Variants in FOSL2 observed in about 807,000 individuals in gnomAD.
FOSL2 encodes the protein fos-related antigen 2.
Under a neutral mutation model 27.7 loss-of-function variants are expected in FOSL2, and 3 were observed. The ratio of observed to expected loss-of-function variants is 0.11; its 90% confidence interval spans 0.05 to 0.28. The LOEUF is 0.28. FOSL2 is among the 10% of genes least tolerant of loss of function. The pLI is 1.00. For synonymous variants in FOSL2, 179 were observed against 190.1 expected (o/e 0.94, Z 0.48); for missense variants, 333 against 445.1 (o/e 0.75, Z 2.27).
At chr2:28,394,262 C>T (rs2148074743) in intron 1 of FOSL2, among the ~76,000 whole-genome samples, 1 of 152,082 alleles carries the variant, frequency 6.6e-6, no homozygotes, top group South Asian at 2.1e-4. Flanking sequence ...CCCTCTCTCT[C>T]TCCTCCCCGT....
intron 1 of FOSL2, chr2:28,396,811 C>A (rs183129590): frequency 1.9e-4 from 29 of 150,916 alleles, no homozygotes; most frequent in Non-Finnish European, 2.9e-4. Context: ...CACACACACA[C>A]ACACACACAC....
chr2:28,406,829 G>GGGA (rs1026102833), intron 2 of FOSL2, among the ~76,000 whole-genome samples: 2 of 152,202 alleles, frequency 1.3e-5, no homozygotes, highest in Non-Finnish European at 2.9e-5. Context: ...CTCCCTGCTA[G>GGGA]GGAGGAGCCT....
rs1173207830 is a variant in FOSL2, at chr2:28,416,204, A to G, written c.*3756A>G. 3 of 152,226 alleles carry G rather than the reference A, an allele frequency of 2.0e-5. No individual in the cohort carries two copies. Among genetic ancestry groups the G allele is most frequent in the African/African-American group, 7.2e-5 (3 of 41,542 alleles). 9.4% of individuals were successfully genotyped at this position (152,226 alleles called of 1,614,324 possible). On this transcript the variant is annotated 3_prime_UTR_variant, in exon 4 of 4. Coordinates refer to ENST00000264716, the MANE Select transcript of FOSL2 (RefSeq NM_005253.4). ...TTTTAAAAGGAAACCCAGTCATCCCACTATGAATCTGGCATCTTCTTATGC... is the reference window on the plus strand; with the variant it reads ...TTTTAAAAGGAAACCCAGTCATCCCGCTATGAATCTGGCATCTTCTTATGC...
At chr2:28,398,372 G>A (rs1285720734) in intron 1 of FOSL2, among the ~76,000 whole-genome samples, 1 of 152,244 alleles carries the variant, frequency 6.6e-6, no homozygotes, top group South Asian at 2.1e-4. Context: ...GCCCTGTCCC[G>A]TGGCAGTGAG....
intron 1 of FOSL2, among the ~76,000 whole-genome samples, chr2:28,402,337 C>T (rs1213529169): frequency 6.6e-6 from 1 of 152,268 alleles, no homozygotes; most frequent in Non-Finnish European, 1.5e-5. Context: ...TTGGCCTGGG[C>T]CCCCGAGGTG....
chr2:28,393,634 A>G lies in FOSL2; in HGVS notation c.-87A>G. ...GAGCCCGCGGCGCGGCCGGCGGACGAACGAGCGCGCAGCAGCCGGTGCGCG... is the reference window on the plus strand; with the variant it reads ...GAGCCCGCGGCGCGGCCGGCGGACGGACGAGCGCGCAGCAGCCGGTGCGCG... On this transcript the variant is annotated 5_prime_UTR_variant, in exon 1 of 4. Transcript: ENST00000264716. This position sits in a 1 kb window ranked among gnomAD's most constrained non-coding sequence, Gnocchi z 4.6. 2 of 1,013,526 alleles carry G rather than the reference A, an allele frequency of 2.0e-6. No individual in the cohort carries two copies. The highest frequency in any genetic ancestry group is 1.5e-6 in the Non-Finnish European group (1 of 681,950). The allele number at this position is 1,013,526 out of a possible 1,614,324, so 62.8% of individuals were successfully genotyped here.
intron 1 of FOSL2, among the ~76,000 whole-genome samples, chr2:28,399,921 A>G (rs1663936577): frequency 6.6e-6 from 1 of 152,164 alleles, no homozygotes; most frequent in Non-Finnish European, 1.5e-5. Context: ...ATAGCCCACC[A>G]AGCCTAAAAT....
Position 28,393,847 on chromosome 2 carries a change from G to T in FOSL2, c.102+25G>T. The T allele has an allele frequency of 6.7e-7, 1 of 1,494,680 alleles. No individual in the cohort carries two copies. The highest frequency in any genetic ancestry group is 1.2e-5 in the South Asian group (1 of 84,350). The allele number at this position is 1,494,680 out of a possible 1,614,324, so 92.6% of individuals were successfully genotyped here. Reference sequence around the variant, plus strand: ...GGTAGGTGCGGGCCCCGGTGCACCTGGCGGCGCGGGCGGACCCCTGCCCTC... The same window carrying T: ...GGTAGGTGCGGGCCCCGGTGCACCTTGCGGCGCGGGCGGACCCCTGCCCTC... On this transcript the variant is annotated intron_variant, in intron 1 of 3. Transcript: ENST00000264716. The surrounding 1 kb of genome is among the most constrained non-coding windows in gnomAD (Gnocchi z 4.6).
At position 28,393,180 on chromosome 2, in the gene FOSL2, C is replaced by T; in HGVS notation, c.-541C>T. On this transcript the variant is annotated 5_prime_UTR_variant, in exon 1 of 4. Transcript: ENST00000264716. The surrounding 1 kb of genome is among the most constrained non-coding windows in gnomAD (Gnocchi z 4.6). ...CAAGTATCCGAGCCGCCCCGAAACT[C>T]GGGCGGCGAGTCGGCCACGGGAAGT... 1 of 253,496 alleles carries T rather than the reference C, an allele frequency of 3.9e-6. No homozygotes were observed. The highest frequency in any genetic ancestry group is 7.4e-6 in the Non-Finnish European group (1 of 135,056). The allele number at this position is 253,496 out of a possible 1,614,324, so 15.7% of individuals were successfully genotyped here.
In FOSL2 at chr2:28,411,951, G is replaced by A; in HGVS notation, c.484G>A (p.Glu162Lys). Residue 162 changes from glutamate (E) to lysine (K), a missense_variant, in exon 4 of 4, where the codon GAG becomes AAG. Physicochemically the swap from Glu to Lys is moderately conservative, Grantham distance 56. Transcript: ENST00000264716. ...GCAGGAGACAGAGGAGCTGGAGGAG[G>A]AGAAGTCAGGCCTGCAGAAGGAGAT... is the stretch of plus-strand genomic sequence containing the variant. ...LQAETEELEE[E>K]KSGLQKEIAE... 6.2e-7 allele frequency: 1 copy of A among 1,614,218 alleles called. No individual in the cohort carries two copies. Among genetic ancestry groups the A allele is most frequent in the Non-Finnish European group, 8.5e-7 (1 of 1,180,026 alleles).
intron 1 of FOSL2, among the ~76,000 whole-genome samples, chr2:28,398,654 G>A (rs769332992): frequency 6.6e-5 from 10 of 152,232 alleles, no homozygotes; most frequent in Non-Finnish European, 1.5e-4. Flanking sequence ...GGTGGAGGAG[G>A]ATAGAGTAAG....
intron 1 of FOSL2, among the ~76,000 whole-genome samples, chr2:28,399,689 C>G (rs1663932517): frequency 6.6e-6 from 1 of 152,204 alleles, no homozygotes; most frequent in African/African-American, 2.4e-5. Context: ...GTTGGAGGAA[C>G]ATCTCAGTTC....
intron 1 of FOSL2, among the ~76,000 whole-genome samples, chr2:28,400,431 CGTTTCTG>C (rs1415673024): frequency 3.9e-4 from 16 of 40,956 alleles, no homozygotes; most frequent in African/African-American, 1.4e-3. Flanking sequence ...CTGAATAACA[CGTTTCTG>C]AATAACACGT....
At chr2:28,405,290 C>T (rs193085414) in intron 2 of FOSL2, among the ~76,000 whole-genome samples, 54 of 152,318 alleles carry the variant, frequency 3.5e-4, no homozygotes, top group Admixed American at 3.2e-3. Flanking sequence ...TGTGGCCACT[C>T]GGCCAGTGAG....
chr2:28,412,353 C>T lies in FOSL2; in HGVS notation c.886C>T (p.Pro296Ser), dbSNP rs1211368629. The T allele has an allele frequency of 6.2e-7, 1 of 1,612,590 alleles. No homozygotes were observed. The highest frequency in any genetic ancestry group is 8.5e-7 in the Non-Finnish European group (1 of 1,180,010). ...SVLEQESPASPSESCSKAHRR... is the reference protein window; with the variant it reads ...SVLEQESPASSSESCSKAHRR... ...CCTGGAGCAGGAGTCACCCGCATCT[C>T]CCTCCGAATCCTGCTCCAAGGCTCA... The change falls in exon 4 of 4, where the codon CCC becomes TCC. Residue 296 changes from proline to serine, a missense_variant. Pro to Ser is a moderately conservative substitution (Grantham distance 74). Coordinates refer to ENST00000264716, the MANE Select transcript of FOSL2 (RefSeq NM_005253.4). The surrounding 1 kb of genome is among the most constrained non-coding windows in gnomAD (Gnocchi z 7.1).
rs956904609 is a variant in FOSL2 at position 28,393,502 on chromosome 2, C to A, written c.-219C>A. 13 of 514,392 alleles carry A rather than the reference C, an allele frequency of 2.5e-5. No individual in the cohort carries two copies. Among genetic ancestry groups the A allele is most frequent in the Non-Finnish European group, 4.5e-5 (13 of 289,010 alleles). The allele number at this position is 514,392 out of a possible 1,614,324, so 31.9% of individuals were successfully genotyped here. ...ACTGGTCCCGCGGCGCTCGCAGAGCCGGAAAGAAGTGCTGTAAGGGACGCT... is the reference window on the plus strand; with the variant it reads ...ACTGGTCCCGCGGCGCTCGCAGAGCAGGAAAGAAGTGCTGTAAGGGACGCT... On this transcript the variant is annotated 5_prime_UTR_variant, in exon 1 of 4. Coordinates refer to ENST00000264716, the MANE Select transcript of FOSL2 (RefSeq NM_005253.4). This position sits in a 1 kb window ranked among gnomAD's most constrained non-coding sequence, Gnocchi z 4.6.
At chr2:28,400,004 CCTTTTATAGGCA>C (rs1213816501) in intron 1 of FOSL2, among the ~76,000 whole-genome samples, 4 of 152,266 alleles carry the variant, frequency 2.6e-5, no homozygotes, top group Admixed American at 2.6e-4. Flanking sequence ...ACCACTATAT[CCTTTTATAGGCA>C]TTCTTGCCCA....
intron 1 of FOSL2, among the ~76,000 whole-genome samples, chr2:28,397,790 G>T: frequency 6.6e-6 from 1 of 152,194 alleles, no homozygotes; most frequent in East Asian, 1.9e-4. Context: ...GACTCAGAAA[G>T]GTTTTGCAGT....
rs1664211185 is a variant in FOSL2, at chr2:28,412,036, T to C, written c.569T>C (p.Val190Ala). 1 of 1,611,118 alleles carries C rather than the reference T, an allele frequency of 6.2e-7. No individual in the cohort carries two copies. Residue 190 changes from valine (V) to alanine (A), a missense_variant, in exon 4 of 4, where the codon GTG becomes GCG. Val to Ala is a moderately conservative substitution (Grantham distance 64, BLOSUM62 0). Transcript: ENST00000264716. This position sits in a 1 kb window ranked among gnomAD's most constrained non-coding sequence, Gnocchi z 7.1. ...TTCATGTTGGTGGCTCACGGCCCAGTGTGCAAGATTAGCCCCGAGGAGCGC... is the reference window on the plus strand; with the variant it reads ...TTCATGTTGGTGGCTCACGGCCCAGCGTGCAAGATTAGCCCCGAGGAGCGC... Reference protein sequence around the residue: ...LEFMLVAHGPVCKISPEERRS... With the variant: ...LEFMLVAHGPACKISPEERRS...
Sources: gnomAD v4.1 joint callset for allele counts (sites outside exome capture counted in the v4.1 genomes callset) on GRCh38, gnomAD v4.1.1 for gene constraint, Gnocchi (gnomAD v3.1) non-coding constraint, MANE v1.5 for transcripts, NCBI Gene and HGNC (gene_info 2026-07-23, HGNC 2026-07-21) for gene names.